The following PTCSC3 variants were observed in gnomAD, a reference collection of about 807,000 sequenced individuals.
PTCSC3 encodes papillary thyroid carcinoma susceptibility candidate 3 (non-protein coding).
intron 3 of PTCSC3, among the ~76,000 whole-genome samples, chr14:36,147,417 C>G (rs978548904): frequency 6.6e-6 from 1 of 152,156 alleles, no homozygotes; most frequent in African/African-American, 2.4e-5. Context: ...TTCATTTCAT[C>G]TTCCATTGCT....
intron 3 of PTCSC3, chr14:36,136,500 A>T (rs1881290623): frequency 3.3e-5 from 5 of 152,224 alleles, no homozygotes; most frequent in African/African-American, 1.2e-4. Context: ...AGATATGATT[A>T]TGAGGAGGCA....
intron 3 of PTCSC3, among the ~76,000 whole-genome samples, chr14:36,143,798 C>A (rs1355408834): frequency 2.1e-5 from 3 of 140,196 alleles, no homozygotes; most frequent in Non-Finnish European, 3.1e-5. Context: ...TTAGGTCTAA[C>A]GTTTAAGTCT....
intron 2 of PTCSC3, among the ~76,000 whole-genome samples, chr14:36,155,437 T>C (rs1288369995): frequency 6.6e-6 from 1 of 152,098 alleles, no homozygotes; most frequent in African/African-American, 2.4e-5. Context: ...CTTTAATGCA[T>C]ACACTCTTTA....
At chr14:36,153,186 T>C (rs1372452791) in intron 3 of PTCSC3, among the ~76,000 whole-genome samples, 1 of 152,164 alleles carries the variant, frequency 6.6e-6, no homozygotes, top group Non-Finnish European at 1.5e-5. Flanking sequence ...CTCTCCCTCG[T>C]CTCTTCTTAT....
intron 3 of PTCSC3, among the ~76,000 whole-genome samples, chr14:36,150,446 C>T (rs1334869564): frequency 6.6e-6 from 1 of 152,180 alleles, no homozygotes; most frequent in African/African-American, 2.4e-5. Flanking sequence ...TTGTGGACTT[C>T]CCAGACTCCA....
At chr14:36,175,700 A>ACTC (rs1402152707) in intron 1 of PTCSC3, among the ~76,000 whole-genome samples, 1 of 152,126 alleles carries the variant, frequency 6.6e-6, no homozygotes, top group African/African-American at 2.4e-5. Flanking sequence ...CTACCAATTA[A>ACTC]CTCTATGATC....
intron 3 of PTCSC3, among the ~76,000 whole-genome samples, chr14:36,140,427 C>G (rs1881392912): frequency 6.6e-6 from 1 of 152,164 alleles, no homozygotes; most frequent in South Asian, 2.1e-4. Flanking sequence ...AGATTGTGTT[C>G]TAAAGCAGCT....
In PTCSC3 at chr14:36,175,520, C is replaced by T. The variant is rs560110536; in HGVS notation, n.171+778G>A. ...TCTATGAAATGTCATAAAATAGGTCCCAGCCAGTTGCAAAAACTCAAAAGT... is the reference window on the plus strand; with the variant it reads ...TCTATGAAATGTCATAAAATAGGTCTCAGCCAGTTGCAAAAACTCAAAAGT... On this transcript the variant is annotated intron_variant and non_coding_transcript_variant, in intron 1 of 3. Coordinates refer to ENST00000556013, the Ensembl canonical transcript of PTCSC3. Among the ~76,000 whole-genome samples the T allele has an allele frequency of 3.9e-5, 6 of 152,272 alleles. No homozygotes were observed. In the South Asian group the frequency reaches 1.2e-3, roughly 32 times the overall value.
chr14:36,155,739 G>C (rs1403033193), intron 2 of PTCSC3, among the ~76,000 whole-genome samples: 1 of 152,016 alleles, frequency 6.6e-6, no homozygotes. Flanking sequence ...ATGCCCATGT[G>C]CTGGCAGTAT....
At chr14:36,167,087 C>T (rs1479484890) in intron 1 of PTCSC3, among the ~76,000 whole-genome samples, 1 of 152,116 alleles carries the variant, frequency 6.6e-6, no homozygotes, top group Non-Finnish European at 1.5e-5. Context: ...CCGAGAAGGT[C>T]AACTTTCTGG....
At chr14:36,154,631 G>C (rs1269921283) in intron 2 of PTCSC3, among the ~76,000 whole-genome samples, 1 of 152,114 alleles carries the variant, frequency 6.6e-6, no homozygotes, top group Non-Finnish European at 1.5e-5. Flanking sequence ...CACGTGAGAG[G>C]GGATGAGGGT....
chr14:36,145,858 T>C (rs1050952914), intron 3 of PTCSC3, among the ~76,000 whole-genome samples: 4 of 149,276 alleles, frequency 2.7e-5, no homozygotes, highest in Non-Finnish European at 4.5e-5. Context: ...TCTGGTATGT[T>C]GTGTCTTTGT....
chr14:36,141,416 C>G (rs1312218862), intron 3 of PTCSC3, among the ~76,000 whole-genome samples: 1 of 151,800 alleles, frequency 6.6e-6, no homozygotes, highest in East Asian at 1.9e-4. Flanking sequence ...ATTTTTCAGT[C>G]TTACAGTTTT....
intron 2 of PTCSC3, among the ~76,000 whole-genome samples, chr14:36,157,396 T>C (rs1326724316): frequency 6.6e-6 from 1 of 152,204 alleles, no homozygotes; most frequent in Non-Finnish European, 1.5e-5. Flanking sequence ...AGAAGCTCTT[T>C]AGTTTAATTA....
At chr14:36,154,712 C>G (rs1284736838) in intron 2 of PTCSC3, among the ~76,000 whole-genome samples, 1 of 151,978 alleles carries the variant, frequency 6.6e-6, no homozygotes, top group Non-Finnish European at 1.5e-5. Flanking sequence ...GAGTAGAGGC[C>G]TCTCTCTCTT....
intron 3 of PTCSC3, among the ~76,000 whole-genome samples, chr14:36,144,894 T>C (rs368470823): frequency 2.0e-4 from 7 of 35,204 alleles, no homozygotes; most frequent in African/African-American, 5.6e-4. Flanking sequence ...TGTCAAAGGC[T>C]TTTTCTGCAT....
At chr14:36,171,475 A>C (rs1882191978) in intron 1 of PTCSC3, among the ~76,000 whole-genome samples, 2 of 152,208 alleles carry the variant, frequency 1.3e-5, no homozygotes, top group Admixed American at 1.3e-4. Flanking sequence ...ATGAGGAAGA[A>C]AAATGTAAAC....
intron 1 of PTCSC3, among the ~76,000 whole-genome samples, chr14:36,169,369 A>G (rs1257266774): frequency 6.6e-6 from 1 of 152,194 alleles, no homozygotes; most frequent in African/African-American, 2.4e-5. Context: ...GTGGTGTCTC[A>G]GATCTCTGAT....
chr14:36,162,375 T>G (rs182522458), intron 2 of PTCSC3, among the ~76,000 whole-genome samples: 1 of 151,292 alleles, frequency 6.6e-6, no homozygotes, highest in African/African-American at 2.4e-5. Context: ...CTGGAGGGAA[T>G]CTCCTGGTCT....
Sources: gnomAD v4.1 joint callset for allele counts (sites outside exome capture counted in the v4.1 genomes callset) on GRCh38, gnomAD v4.1.1 for gene constraint, MANE v1.5 for transcripts, NCBI Gene and HGNC (gene_info 2026-07-23, HGNC 2026-07-21) for gene names.